The following PLSCR1 variants were observed in gnomAD, a reference collection of about 807,000 sequenced individuals.
PLSCR1 encodes phospholipid scramblase 1.
PLSCR1 carries 17 observed loss-of-function variants against 37.8 expected under a neutral mutation model. The ratio of observed to expected loss-of-function variants is 0.45; its 90% confidence interval spans 0.31 to 0.68. The LOEUF (loss-of-function observed/expected upper bound fraction) is 0.68. PLSCR1 is among the 30% of genes least tolerant of loss of function. The probability of loss-of-function intolerance (pLI) is 0.06; values close to 1 mark genes in which losing one functional copy is unlikely to be tolerated. For synonymous variants in PLSCR1, 116 were observed against 125.9 expected, an observed-to-expected ratio of 0.92 and a Z score of 0.53; for missense variants, 347 against 380.9, an observed-to-expected ratio of 0.91 and a Z score of 0.74.
chr3:146,534,239 C>A (rs1264322581), intron 2 of PLSCR1, among the ~76,000 whole-genome samples: 2 of 152,168 alleles, frequency 1.3e-5, no homozygotes, highest in African/African-American at 4.8e-5. Context: ...TTACCTACCG[C>A]AGCCAGTCTC....
rs115038572 is a variant in PLSCR1, at chr3:146,525,880, T to C, written c.313-233A>G. Among the ~76,000 whole-genome samples, 684 of 152,202 alleles carry C rather than the reference T, an allele frequency of 4.5e-3. 2 individuals carry two copies. The highest frequency in any genetic ancestry group is 0.015 in the African/African-American group (642 of 41,540). On this transcript the variant is annotated intron_variant, in intron 4 of 8. Transcript: ENST00000342435. ...ATTTAGGTCAAATAAAATTGATTTA[T>C]ACTGGAGTACCTTTAAAAATTAGAC...
chr3:146,521,740 A>G, intron 6 of PLSCR1, 35 bp from the exon 7 acceptor site: 1 of 1,589,284 alleles, frequency 6.3e-7, no homozygotes, highest in Middle Eastern at 1.7e-4. Flanking sequence ...AAATGTAATA[A>G]TCATAATGCC....
In PLSCR1 at chr3:146,515,872, A is replaced by G; in HGVS notation, c.*173T>C. ...CTCAAATTGACAATGAGTATTAAAA[A>G]ATGTACAAAAACCTTTATAAATCAG... On this transcript the variant is annotated 3_prime_UTR_variant, in exon 9 of 9. Coordinates refer to ENST00000342435, the MANE Select transcript of PLSCR1 (RefSeq NM_021105.3). The G allele has an allele frequency of 2.3e-6, 1 of 441,556 alleles. No homozygotes were observed. The highest frequency in any genetic ancestry group is 5.2e-5 in the South Asian group (1 of 19,066). The allele number at this position is 441,556 out of a possible 1,614,324, so 27.4% of individuals were successfully genotyped here.
chr3:146,523,112 C>T (rs890254906), intron 5 of PLSCR1, among the ~76,000 whole-genome samples: 3 of 152,202 alleles, frequency 2.0e-5, no homozygotes, highest in Non-Finnish European at 4.4e-5. Flanking sequence ...TGCTGAATGC[C>T]AGTCCCCTGG....
intron 1 of PLSCR1, among the ~76,000 whole-genome samples, chr3:146,538,832 T>G (rs924453649): frequency 1.3e-5 from 2 of 152,148 alleles, no homozygotes; most frequent in Non-Finnish European, 2.9e-5. Context: ...TAAAAATAAT[T>G]TTTCTTAGCA....
chr3:146,541,134 C>T (rs1191590793), intron 1 of PLSCR1: 1 of 152,014 alleles, frequency 6.6e-6, no homozygotes, highest in Admixed American at 6.6e-5. Context: ...TGCAAAGTAC[C>T]TTGTAACAAG....
intron 3 of PLSCR1, among the ~76,000 whole-genome samples, chr3:146,529,676 C>A (rs538108024): frequency 6.6e-6 from 1 of 152,074 alleles, no homozygotes; most frequent in African/African-American, 2.4e-5. Flanking sequence ...CCACGCCCAG[C>A]TAATTTTTTG....
chr3:146,522,100 A>G, intron 5 of PLSCR1, 47 bp from the exon 6 acceptor site: 1 of 1,058,602 alleles, frequency 9.4e-7, no homozygotes, highest in Non-Finnish European at 1.5e-6. Flanking sequence ...TGTTAAAAAT[A>G]TTGAATTTAT....
chr3:146,523,674 A>G (rs2044065259), intron 5 of PLSCR1, among the ~76,000 whole-genome samples: 1 of 152,210 alleles, frequency 6.6e-6, no homozygotes, highest in Admixed American at 6.5e-5. Flanking sequence ...TTCAACTCAC[A>G]GAATATCTAG....
At chr3:146,540,599 C>G (rs942054891) in intron 1 of PLSCR1, among the ~76,000 whole-genome samples, 2 of 152,076 alleles carry the variant, frequency 1.3e-5, no homozygotes, top group African/African-American at 4.8e-5. Context: ...TTACCCACAC[C>G]AGATTTGGAT....
Position 146,528,649 on chromosome 3 carries a change from A to T in PLSCR1, c.277T>A (p.Leu93Ile). Residue 93 changes from leucine (L) to isoleucine (I), a missense_variant, in exon 4 of 9, where the codon TTA becomes ATA. Coordinates refer to ENST00000342435, the MANE Select transcript of PLSCR1 (RefSeq NM_021105.3). Reference protein sequence around the residue: ...VPWMPAPQPPLNCPPGLEYLS... With the variant: ...VPWMPAPQPPINCPPGLEYLS... The stretch of plus-strand genomic sequence containing the variant: ...TATTCTAATCCAGGTGGACAGTTTA[A>T]TGGAGGCTGTGGCGCTGGCATCCAT... 1 of 1,614,114 alleles carries T rather than the reference A, an allele frequency of 6.2e-7. No homozygotes were observed. Among genetic ancestry groups the T allele is most frequent in the Non-Finnish European group, 8.5e-7 (1 of 1,179,966 alleles).
Position 146,516,066 on chromosome 3 carries a change from T to C in PLSCR1, c.936A>G (p.Glu312=). Residue 312 remains glutamate (E), a synonymous_variant, in exon 9 of 9, where the codon GAA becomes GAG. Coordinates refer to ENST00000342435, the MANE Select transcript of PLSCR1 (RefSeq NM_021105.3). ...FMFFESTGSQ[E]QKSGVW Reference sequence around the variant, plus strand: ...TCCACTACCACACTCCTGATTTTTGTTCCTGGCTGCCAGTGCTTTCAAAAA... The same window carrying C: ...TCCACTACCACACTCCTGATTTTTGCTCCTGGCTGCCAGTGCTTTCAAAAA... 1 of 1,609,732 alleles carries C rather than the reference T, an allele frequency of 6.2e-7. No individual in the cohort carries two copies. The highest frequency in any genetic ancestry group is 8.5e-7 in the Non-Finnish European group (1 of 1,176,950).
chr3:146,540,063 CATG>C (rs1208964491), intron 1 of PLSCR1, among the ~76,000 whole-genome samples: 1 of 152,146 alleles, frequency 6.6e-6, no homozygotes, highest in African/African-American at 2.4e-5. Context: ...ATTAATTTAG[CATG>C]ATAATTCATA....
At chr3:146,532,041 A>G (rs1180594407) in intron 3 of PLSCR1, among the ~76,000 whole-genome samples, 1 of 152,174 alleles carries the variant, frequency 6.6e-6, no homozygotes, top group Non-Finnish European at 1.5e-5. Flanking sequence ...AAAGCATGGT[A>G]AGATCTCAAT....
chr3:146,521,684 C>A lies in PLSCR1; in HGVS notation c.598G>T (p.Gly200Cys), dbSNP rs1270771730. Residue 200 changes from glycine to cysteine, a missense_variant, in exon 7 of 9, where the codon GGT (glycine) becomes TGT (cysteine). Gly to Cys is a radical substitution (Grantham distance 159). Transcript: ENST00000342435. ...TGAATAACATAACCTATTGGTACAC[C>A]AGGAGGAGCTTGGATTTCTATCTAC... ...LQEIEIQAPP[G>C]VPIGYVIQTW... The A allele has an allele frequency of 1.2e-6, 2 of 1,613,110 alleles. No individual in the cohort carries two copies. The highest frequency in any genetic ancestry group is 1.7e-5 in the Admixed American group (1 of 59,916).
At chr3:146,543,168 G>A (rs1055230202) in intron 1 of PLSCR1, among the ~76,000 whole-genome samples, 8 of 152,086 alleles carry the variant, frequency 5.3e-5, no homozygotes, top group African/African-American at 1.2e-4. Flanking sequence ...AAAGGAAGAC[G>A]AGTGAGGTTA....
At position 146,533,229 on chromosome 3, in the gene PLSCR1, C is replaced by A. The variant is rs1369196475; in HGVS notation, c.94+241G>T. Among the ~76,000 whole-genome samples, 9 of 152,200 alleles carry A rather than the reference C, an allele frequency of 5.9e-5. No individual in the cohort carries two copies. The East Asian group carries it at 1.7e-3, about 29-fold the overall frequency. On this transcript the variant is annotated intron_variant, in intron 3 of 8. Coordinates refer to ENST00000342435, the MANE Select transcript of PLSCR1 (RefSeq NM_021105.3). ...ACCTAATGTTGTTTTTACTAGCTTT[C>A]TTTATACCTTTACTGTCCTCTATAA...
At chr3:146,520,137 C>T (rs954288796) in intron 7 of PLSCR1, 1 of 152,026 alleles carries the variant, frequency 6.6e-6, no homozygotes, top group African/African-American at 2.4e-5. Context: ...CTTCAAGTGA[C>T]TATTTCTCAA....
intron 5 of PLSCR1, among the ~76,000 whole-genome samples, chr3:146,522,587 C>T (rs1157504153): frequency 6.6e-6 from 1 of 152,166 alleles, no homozygotes; most frequent in African/African-American, 2.4e-5. Context: ...CTAGGAAAGC[C>T]AGGTATTGTC....
Sources: allele counts gnomAD v4.1 joint callset (sites outside exome capture counted in the v4.1 genomes callset), GRCh38; gene constraint gnomAD v4.1.1; transcripts MANE v1.5; gene names NCBI Gene and HGNC (gene_info 2026-07-23, HGNC 2026-07-21).